IRAK1BP1: variants seen among roughly 807,000 people sequenced by gnomAD.
IRAK1BP1 encodes the protein interleukin 1 receptor associated kinase 1 binding protein 1, also known as interleukin-1 receptor-associated kinase 1-binding protein 1.
IRAK1BP1 carries 24 observed loss-of-function variants against 28.0 expected under a neutral mutation model. The observed-to-expected ratio is 0.86, with a 90% confidence interval of 0.62 to 1.20. IRAK1BP1 has a LOEUF of 1.20. Among genes scored for constraint, IRAK1BP1 ranks in the 50% most tolerant of loss-of-function variants. IRAK1BP1 has a pLI of 0.00. For synonymous variants in IRAK1BP1, 131 were observed against 116.3 expected (o/e 1.13, Z -0.81); for missense variants, 336 against 316.7 (o/e 1.06, Z -0.46).
rs568239319 is a variant in IRAK1BP1, at chr6:78,946,369, AAT to A, written c.*1032_*1033del. On this transcript the variant is annotated 3_prime_UTR_variant and NMD_transcript_variant, in exon 5 of 5. Transcript: ENST00000606868. ...TTTGTACTATTATGAAATATGTTAAAATATGAGATTTATAGTGGATTTCATAT... is the reference window on the plus strand; with the variant it reads ...TTTGTACTATTATGAAATATGTTAAAATGAGATTTATAGTGGATTTCATAT... The A allele has an allele frequency of 5.0e-4, 706 of 1,404,718 alleles. 3 individuals carry two copies. In the African/African-American group the frequency reaches 9.1e-3, roughly 18 times the overall value. The allele number at this position is 1,404,718 out of a possible 1,614,324, so 87.0% of individuals were successfully genotyped here.
chr6:78,950,123 T>A (rs1453123997), downstream of IRAK1BP1, among the ~76,000 whole-genome samples: 1 of 152,236 alleles, frequency 6.6e-6, no homozygotes, highest in Non-Finnish European at 1.5e-5. Flanking sequence ...ATGTTCTTTC[T>A]GGATTACTTG....
At chr6:78,923,459 C>T (rs893227897) in intron 4 of IRAK1BP1, among the ~76,000 whole-genome samples, 1 of 152,138 alleles carries the variant, frequency 6.6e-6, no homozygotes, top group Non-Finnish European at 1.5e-5. Context: ...GACTCCCACA[C>T]AATAATAATG....
intron 2 of IRAK1BP1, among the ~76,000 whole-genome samples, chr6:78,889,600 A>G (rs1771560243): frequency 6.6e-6 from 1 of 152,114 alleles, no homozygotes. Context: ...CCCATCAAAA[A>G]GTGGGTTGGA....
At chr6:78,965,828 T>C in the IRAK1BP1 span, 10 of 1,179,968 alleles carry the variant, frequency 8.5e-6, no homozygotes, top group African/African-American at 1.5e-4. Context: ...TTTAATAAAA[T>C]CAATTATCAA....
At chr6:78,951,820 A>G in the IRAK1BP1 span, among the ~76,000 whole-genome samples, 1 of 152,222 alleles carries the variant, frequency 6.6e-6, no homozygotes, top group South Asian at 2.1e-4. Flanking sequence ...AATATCACAT[A>G]TAACTGGTGC....
the IRAK1BP1 span, among the ~76,000 whole-genome samples, chr6:78,973,661 C>A: frequency 1.4e-5 from 2 of 146,572 alleles, no homozygotes; most frequent in South Asian, 2.3e-4. Flanking sequence ...CACATAGGCT[C>A]AAAATAAAAG....
At chr6:78,933,610 T>A (rs1773143242) in intron 4 of IRAK1BP1, among the ~76,000 whole-genome samples, 1 of 151,772 alleles carries the variant, frequency 6.6e-6, no homozygotes, top group African/African-American at 2.4e-5. Flanking sequence ...AGCAAAACTC[T>A]GTCTCAAACA....
intron 4 of IRAK1BP1, among the ~76,000 whole-genome samples, chr6:78,930,563 A>T (rs906110698): frequency 6.6e-6 from 1 of 152,170 alleles, no homozygotes; most frequent in African/African-American, 2.4e-5. Context: ...TGTTATTTTC[A>T]TTAAAATTTT....
At chr6:78,873,951 A>G (rs562618115) in intron 1 of IRAK1BP1, among the ~76,000 whole-genome samples, 1 of 152,166 alleles carries the variant, frequency 6.6e-6, no homozygotes, top group Non-Finnish European at 1.5e-5. Flanking sequence ...CTACACATGC[A>G]AGAACCTTGC....
downstream of IRAK1BP1, among the ~76,000 whole-genome samples, chr6:78,906,550 A>G (rs753192038): frequency 9.2e-5 from 14 of 152,160 alleles, no homozygotes; most frequent in Admixed American, 2.0e-4. Context: ...CAAATCACCA[A>G]AATATTTTTG....
chr6:78,867,940 T>A, intron 1 of IRAK1BP1, 49 bp downstream of exon 1: 2 of 1,486,202 alleles, frequency 1.3e-6, no homozygotes, highest in Non-Finnish European at 1.8e-6. Context: ...CACAAAAGGG[T>A]TGGCAGATGG....
chr6:78,921,051 C>G (rs1772710080), intron 4 of IRAK1BP1, among the ~76,000 whole-genome samples: 1 of 152,198 alleles, frequency 6.6e-6, no homozygotes, highest in African/African-American at 2.4e-5. Flanking sequence ...CCAGGTTCAT[C>G]TCACTGGGGA....
At chr6:78,978,405 C>T in the IRAK1BP1 span, among the ~76,000 whole-genome samples, 1 of 152,086 alleles carries the variant, frequency 6.6e-6, no homozygotes. Context: ...TTCAGATTTA[C>T]AGCAGCTTCA....
At chr6:78,895,961 G>A (rs1449827677) in intron 2 of IRAK1BP1, among the ~76,000 whole-genome samples, 1 of 152,058 alleles carries the variant, frequency 6.6e-6, no homozygotes, top group Non-Finnish European at 1.5e-5. Flanking sequence ...AAATCTGATA[G>A]AATCTACAAA....
intron 4 of IRAK1BP1, among the ~76,000 whole-genome samples, chr6:78,942,365 C>A (rs184597065): frequency 1.3e-5 from 2 of 152,144 alleles, no homozygotes; most frequent in Non-Finnish European, 2.9e-5. Context: ...TGCCTGTAAT[C>A]CCAGCTACTC....
At chr6:78,948,063 A>G (rs1773926142), downstream of IRAK1BP1, among the ~76,000 whole-genome samples, 1 of 152,162 alleles carries the variant, frequency 6.6e-6, no homozygotes, top group African/African-American at 2.4e-5. Context: ...GGGAAAGTAA[A>G]AGAGTAAGGA....
intron 2 of IRAK1BP1, among the ~76,000 whole-genome samples, chr6:78,885,735 T>A (rs752780134): frequency 2.6e-5 from 4 of 152,132 alleles, no homozygotes; most frequent in Non-Finnish European, 5.9e-5. Context: ...AGGAGAGAAA[T>A]TTCTTTTTAG....
At chr6:78,873,599 C>T (rs569360474) in intron 1 of IRAK1BP1, among the ~76,000 whole-genome samples, 1 of 152,144 alleles carries the variant, frequency 6.6e-6, no homozygotes, top group Admixed American at 6.5e-5. Context: ...CCACCTCAGC[C>T]TCCCAAATAG....
intron 4 of IRAK1BP1, among the ~76,000 whole-genome samples, chr6:78,930,954 A>T (rs1773028534): frequency 2.4e-5 from 1 of 41,618 alleles, no homozygotes; most frequent in African/African-American, 8.9e-5. Flanking sequence ...AATAAAAAAT[A>T]AAAATAAAAT....
Sources: allele counts gnomAD v4.1 joint callset (sites outside exome capture counted in the v4.1 genomes callset), GRCh38; gene constraint gnomAD v4.1.1; transcripts MANE v1.5; gene names NCBI Gene and HGNC (gene_info 2026-07-23, HGNC 2026-07-21).